Variants in VGLL1 observed in about 807,000 individuals in gnomAD.
VGLL1 encodes vestigial like family member 1, also known as transcription cofactor vestigial-like protein 1.
In VGLL1, 4 loss-of-function variants were observed where a neutral mutation model predicts 12.0. The ratio of observed to expected loss-of-function variants is 0.33; its 90% confidence interval spans 0.16 to 0.76. The LOEUF is 0.76. Among genes scored for constraint, VGLL1 ranks in the 30% least tolerant of loss-of-function variants. The pLI is 0.60. For synonymous variants in VGLL1, 87 were observed against 81.2 expected (o/e 1.07, Z -0.39); for missense variants, 204 against 208.7 (o/e 0.98, Z 0.14).
intron 2 of VGLL1, among the ~76,000 whole-genome samples, chrX:136,540,798 G>A (rs961577193): frequency 9.0e-6 from 1 of 111,349 alleles, no homozygotes; most frequent in Non-Finnish European, 1.9e-5. Context: ...CTACAGATGG[G>A]GGTCACCGTA....
chrX:136,533,757 A>C (rs771326935), intron 1 of VGLL1, among the ~76,000 whole-genome samples: 85 of 111,697 alleles, frequency 7.6e-4, no homozygotes, highest in African/African-American at 2.6e-3. Flanking sequence ...TAGGAGATAG[A>C]TGGAGAGACT....
chrX:136,551,978 G>A (rs2075887550), intron 4 of VGLL1, among the ~76,000 whole-genome samples: 1 of 111,189 alleles, frequency 9.0e-6, no homozygotes, highest in Admixed American at 9.5e-5. Flanking sequence ...CTGATCTCAG[G>A]CATTTGACAG....
At chrX:136,556,022 G>T (rs2075900114) in intron 4 of VGLL1, among the ~76,000 whole-genome samples, 2 of 111,013 alleles carry the variant, frequency 1.8e-5, no homozygotes, top group South Asian at 3.9e-4. Context: ...AGGAGTCAAG[G>T]GTGGGCAAGA....
At chrX:136,553,726 A>C (rs181790803) in intron 4 of VGLL1, among the ~76,000 whole-genome samples, 1 of 112,123 alleles carries the variant, frequency 8.9e-6, no homozygotes, top group Admixed American at 9.5e-5. Context: ...GCTCCAGAAA[A>C]ATATTTGTCA....
At chrX:136,541,988 G>A (rs774957932) in intron 2 of VGLL1, among the ~76,000 whole-genome samples, 1 of 111,011 alleles carries the variant, frequency 9.0e-6, no homozygotes, top group East Asian at 2.9e-4. Flanking sequence ...AGTTTGTAGG[G>A]GGCATGGTCC....
At chrX:136,543,969 A>C (rs765765404) in intron 2 of VGLL1, among the ~76,000 whole-genome samples, 9 of 111,960 alleles carry the variant, frequency 8.0e-5, no homozygotes, top group Non-Finnish European at 1.1e-4. Flanking sequence ...ACAAACATAA[A>C]ATATACTCCT....
intron 2 of VGLL1, among the ~76,000 whole-genome samples, chrX:136,542,487 T>C (rs749699787): frequency 1.8e-5 from 2 of 112,247 alleles, no homozygotes; most frequent in Non-Finnish European, 3.8e-5. Flanking sequence ...TTTGGGGGTG[T>C]TGTGACTGAG....
chrX:136,544,124 A>G (rs1320281000), intron 2 of VGLL1, among the ~76,000 whole-genome samples: 3 of 111,930 alleles, frequency 2.7e-5, no homozygotes, highest in Non-Finnish European at 3.8e-5. Context: ...CATCAATGTC[A>G]TATCCACTTC....
At chrX:136,535,955 T>A in intron 1 of VGLL1, 41 bp from the exon 2 acceptor site, 2 of 1,103,732 alleles carry the variant, frequency 1.8e-6, no homozygotes, top group Non-Finnish European at 2.5e-6. Context: ...GCCAAGCCAC[T>A]TGGTAAATAG....
chrX:136,556,231 G>A (rs1160009129), intron 4 of VGLL1, among the ~76,000 whole-genome samples: 2 of 111,681 alleles, frequency 1.8e-5, no homozygotes, highest in Admixed American at 9.5e-5. Context: ...TAAACTGCCC[G>A]TCACAAGTTG....
rs757908782 is a variant in VGLL1, at chrX:136,536,203, G to A, written c.183G>A (p.Ser61=). 15 of 1,208,631 alleles carry A rather than the reference G, an allele frequency of 1.2e-5. No homozygotes were observed. Among genetic ancestry groups the A allele is most frequent in the South Asian group, 5.3e-5 (3 of 56,670 alleles). The change falls in exon 2 of 5, where the codon TCG becomes TCA. Residue 61 remains serine, a synonymous_variant. Transcript: ENST00000370634. ...AGAGCCCCCAGGAATTGACCCCCTCGAGTCAGAGTGAAGGTGTGATGCTGA... is the reference window on the plus strand; with the variant it reads ...AGAGCCCCCAGGAATTGACCCCCTCAAGTCAGAGTGAAGGTGTGATGCTGA... ...NIKSPQELTP[S]SQSEGVMLKN...
intron 2 of VGLL1, 104 bp from the exon 3 acceptor site, chrX:136,548,485 A>T: frequency 2.4e-6 from 2 of 829,791 alleles, no homozygotes; most frequent in Non-Finnish European, 3.4e-6. Flanking sequence ...GCTTTTCTGT[A>T]TTTCCTTCAA....
chrX:136,551,769 C>T (rs1279553569), intron 4 of VGLL1, among the ~76,000 whole-genome samples: 2 of 111,496 alleles, frequency 1.8e-5, no homozygotes, highest in African/African-American at 3.3e-5. Flanking sequence ...CCAAGCTGTG[C>T]TCTGTGTGCT....
At chrX:136,555,990 T>A (rs903520692) in intron 4 of VGLL1, among the ~76,000 whole-genome samples, 2 of 111,070 alleles carry the variant, frequency 1.8e-5, no homozygotes, top group Admixed American at 1.9e-4. Flanking sequence ...CAAGTGAGTA[T>A]GAAGGATAGA....
At chrX:136,533,276 C>T (rs930805951) in intron 1 of VGLL1, among the ~76,000 whole-genome samples, 1 of 111,458 alleles carries the variant, frequency 9.0e-6, no homozygotes, top group Admixed American at 9.5e-5. Flanking sequence ...ATAGGTGGTA[C>T]TTATTCAGTG....
At chrX:136,539,998 A>G (rs949271950) in intron 2 of VGLL1, among the ~76,000 whole-genome samples, 1 of 111,176 alleles carries the variant, frequency 9.0e-6, no homozygotes, top group Non-Finnish European at 1.9e-5. Flanking sequence ...TGTAGGTTCT[A>G]TCTTCAAAAT....
intron 2 of VGLL1, among the ~76,000 whole-genome samples, chrX:136,537,036 G>C (rs1355746910): frequency 2.7e-5 from 3 of 112,057 alleles, no homozygotes; most frequent in Admixed American, 9.4e-5. Flanking sequence ...TCCATAAATG[G>C]AAAGTTCCCA....
At chrX:136,549,145 T>A in intron 3 of VGLL1, 137 bp downstream of exon 3, 1 of 626,930 alleles carries the variant, frequency 1.6e-6, no homozygotes, top group Non-Finnish European at 2.4e-6. Context: ...GATGTTCTGC[T>A]TAAATGTTCC....
chrX:136,551,537 T>C (rs2075886293), intron 4 of VGLL1, among the ~76,000 whole-genome samples: 1 of 112,112 alleles, frequency 8.9e-6, no homozygotes, highest in Admixed American at 9.4e-5. Context: ...GCTTTATTAT[T>C]TACTTGCTTC....
Sources: gnomAD v4.1 joint callset for allele counts (sites outside exome capture counted in the v4.1 genomes callset) on GRCh38, gnomAD v4.1.1 for gene constraint, MANE v1.5 for transcripts, NCBI Gene and HGNC (gene_info 2026-07-23, HGNC 2026-07-21) for gene names.